Variants in SKAP1 observed in about 807,000 individuals in gnomAD.
SKAP1 encodes src kinase associated phosphoprotein 1, also known as src kinase-associated phosphoprotein 1.
SKAP1 carries 44 observed loss-of-function variants against 58.5 expected under a neutral mutation model. That is an observed-to-expected ratio of 0.75 (90% CI 0.59 to 0.97). The LOEUF is 0.97. Among genes scored for constraint, SKAP1 ranks in the 50% least tolerant of loss-of-function variants. The probability of loss-of-function intolerance (pLI) is 0.00; values close to 1 mark genes in which losing one functional copy is unlikely to be tolerated. For synonymous variants in SKAP1, 127 were observed against 149.7 expected (o/e 0.85, Z 1.11); for missense variants, 390 against 435.2 (o/e 0.90, Z 0.92).
chr17:48,145,213 CCT>C (rs1349881071), intron 11 of SKAP1, among the ~76,000 whole-genome samples: 1 of 152,118 alleles, frequency 6.6e-6, no homozygotes, highest in South Asian at 2.1e-4. Context: ...TGCCCCACCT[CCT>C]TGAACAACCC....
At chr17:48,378,849 A>T (rs1025145311) in intron 2 of SKAP1, among the ~76,000 whole-genome samples, 1 of 152,206 alleles carries the variant, frequency 6.6e-6, no homozygotes, top group Non-Finnish European at 1.5e-5. Context: ...GGTAAGAAGC[A>T]GGAAGGGCTG....
chr17:48,405,502 T>A (rs2067569207), intron 1 of SKAP1, among the ~76,000 whole-genome samples: 1 of 149,474 alleles, frequency 6.7e-6, no homozygotes, highest in African/African-American at 2.5e-5. Context: ...CTTTCCTTTC[T>A]TTCTTTTTTT....
intron 9 of SKAP1, among the ~76,000 whole-genome samples, chr17:48,171,790 C>T (rs932888670): frequency 2.7e-5 from 4 of 149,112 alleles, no homozygotes; most frequent in Non-Finnish European, 5.9e-5. Context: ...TGGCTGGGTG[C>T]GGTGGCTCAT....
intron 4 of SKAP1, among the ~76,000 whole-genome samples, chr17:48,198,193 C>A (rs913332115): frequency 1.3e-5 from 2 of 152,062 alleles, no homozygotes; most frequent in Non-Finnish European, 2.9e-5. Flanking sequence ...CGGTGGCTCA[C>A]GCCTGTAATC....
In SKAP1 at chr17:48,155,792, G is replaced by C. The variant is rs536213076; in HGVS notation, c.978+6677C>G. Among the ~76,000 whole-genome samples the C allele has an allele frequency of 9.5e-4, 145 of 152,312 alleles. 1 individual carries two copies. The highest frequency in any genetic ancestry group is 2.8e-3 in the African/African-American group (115 of 41,568). On this transcript the variant is annotated intron_variant, in intron 11 of 12. Coordinates refer to ENST00000336915, the MANE Select transcript of SKAP1 (RefSeq NM_003726.4). ...GAATCGCTTGAACCCGGGAGGCAGA[G>C]GTTGCAGTGAGCCGAGACCGCGCCG...
intron 4 of SKAP1, among the ~76,000 whole-genome samples, chr17:48,337,194 A>C (rs998574670): frequency 6.6e-6 from 1 of 152,184 alleles, no homozygotes; most frequent in African/African-American, 2.4e-5. Flanking sequence ...CAACATAAAA[A>C]AGGCTGTCAC....
At chr17:48,262,003 GT>G (rs1360913951) in intron 4 of SKAP1, among the ~76,000 whole-genome samples, 1 of 152,214 alleles carries the variant, frequency 6.6e-6, no homozygotes, top group Non-Finnish European at 1.5e-5. Flanking sequence ...TTCAGTGAGG[GT>G]TTGTTTCTTG....
At chr17:48,265,714 G>C (rs2065538999) in intron 4 of SKAP1, among the ~76,000 whole-genome samples, 2 of 152,092 alleles carry the variant, frequency 1.3e-5, no homozygotes, top group East Asian at 1.9e-4. Flanking sequence ...CTAGAGGTGT[G>C]TCTAACACAC....
intron 1 of SKAP1, among the ~76,000 whole-genome samples, chr17:48,423,750 A>G (rs1312154173): frequency 6.6e-6 from 1 of 152,178 alleles, no homozygotes; most frequent in Non-Finnish European, 1.5e-5. Flanking sequence ...TAAGCAGGGA[A>G]AACATTCTTG....
intron 2 of SKAP1, among the ~76,000 whole-genome samples, chr17:48,392,991 C>T (rs887490381): frequency 2.0e-5 from 3 of 151,978 alleles, no homozygotes; most frequent in Admixed American, 2.0e-4. Flanking sequence ...CGTTAGAATG[C>T]CATCAAGTGT....
intron 4 of SKAP1, among the ~76,000 whole-genome samples, chr17:48,259,314 A>G (rs1187117840): frequency 6.6e-6 from 1 of 152,154 alleles, no homozygotes; most frequent in African/African-American, 2.4e-5. Context: ...TTATTATATT[A>G]GAATAGTTCA....
chr17:48,356,618 ATTTGT>A (rs1212926620), intron 3 of SKAP1, among the ~76,000 whole-genome samples: 26 of 152,184 alleles, frequency 1.7e-4, no homozygotes, highest in African/African-American at 5.3e-4. Flanking sequence ...AAATGGTAAC[ATTTGT>A]TCTGTTCTGT....
chr17:48,303,135 A>G, intron 4 of SKAP1, among the ~76,000 whole-genome samples: 1 of 152,214 alleles, frequency 6.6e-6, no homozygotes, highest in East Asian at 1.9e-4. Context: ...ATTGTTCTCA[A>G]AATAAAGATC....
chr17:48,163,977 C>T (rs1003948030), intron 10 of SKAP1, among the ~76,000 whole-genome samples: 10 of 152,144 alleles, frequency 6.6e-5, no homozygotes, highest in Admixed American at 3.3e-4. Context: ...TTTCTTCACA[C>T]ATAAAATTGT....
In SKAP1 at chr17:48,247,947, C is replaced by A. The variant is rs147743795; in HGVS notation, c.281-58447G>T. Among the ~76,000 whole-genome samples the A allele has an allele frequency of 3.9e-4, 59 of 152,266 alleles. 1 individual carries two copies. In the East Asian group the frequency reaches 0.011, roughly 28 times the overall value. Reference sequence around the variant, plus strand: ...ATTGGTTTAATTCTTTATTGTCGGTCTCCCCAGTAGAATGTAAAACTCCTC... The same window carrying A: ...ATTGGTTTAATTCTTTATTGTCGGTATCCCCAGTAGAATGTAAAACTCCTC... On this transcript the variant is annotated intron_variant, in intron 4 of 12. Transcript: ENST00000336915.
At chr17:48,421,364 G>A (rs764278259) in intron 1 of SKAP1, among the ~76,000 whole-genome samples, 3 of 147,358 alleles carry the variant, frequency 2.0e-5, no homozygotes, top group Non-Finnish European at 3.0e-5. Flanking sequence ...GCAACGGCAC[G>A]AGGCGGGAGG....
chr17:48,140,208 C>A (rs2063751499), intron 11 of SKAP1, among the ~76,000 whole-genome samples: 1 of 152,188 alleles, frequency 6.6e-6, no homozygotes, highest in African/African-American at 2.4e-5. Context: ...CTCCTGTAAC[C>A]TCTGCATTGC....
intron 1 of SKAP1, among the ~76,000 whole-genome samples, chr17:48,428,378 G>A (rs751731956): frequency 2.0e-5 from 3 of 152,184 alleles, no homozygotes; most frequent in Non-Finnish European, 2.9e-5. Context: ...GCAAACAAAG[G>A]TTCTGCTTTA....
intron 2 of SKAP1, among the ~76,000 whole-genome samples, chr17:48,385,403 G>T (rs1347826821): frequency 3.3e-5 from 5 of 152,034 alleles, no homozygotes; most frequent in Non-Finnish European, 5.9e-5. Context: ...AATATTAGGA[G>T]AAATTTGAGT....
Sources: gnomAD v4.1 joint callset for allele counts (sites outside exome capture counted in the v4.1 genomes callset) on GRCh38, gnomAD v4.1.1 for gene constraint, MANE v1.5 for transcripts, NCBI Gene and HGNC (gene_info 2026-07-23, HGNC 2026-07-21) for gene names.